SNX8: variants seen among roughly 807,000 people sequenced by gnomAD.
SNX8 encodes the protein sorting nexin 8.
In SNX8, 25 loss-of-function variants were observed where a neutral mutation model predicts 51.6. That is an observed-to-expected ratio of 0.48 (90% CI 0.35 to 0.68). The LOEUF is 0.68. Among genes scored for constraint, SNX8 ranks in the 30% least tolerant of loss-of-function variants. The pLI is 0.00. For synonymous variants in SNX8, 324 were observed against 277.0 expected (o/e 1.17, Z -1.68); for missense variants, 695 against 624.0 (o/e 1.11, Z -1.21).
intron 1 of SNX8, among the ~76,000 whole-genome samples, chr7:2,293,011 C>A (rs192600960): frequency 1.3e-5 from 2 of 151,878 alleles, no homozygotes; most frequent in Admixed American, 6.5e-5. Context: ...TAGAGTAAGA[C>A]CTTATACCTA....
intron 2 of SNX8, among the ~76,000 whole-genome samples, chr7:2,277,638 A>T (rs1248119228): frequency 4.7e-4 from 1 of 2,128 alleles, no homozygotes; most frequent in Non-Finnish European, 7.5e-3. Context: ...GTCTCTACTA[A>T]AAAAAAAAAT....
chr7:2,267,470 G>C (rs1362841908), intron 5 of SNX8, among the ~76,000 whole-genome samples: 4 of 131,236 alleles, frequency 3.0e-5, no homozygotes, highest in Non-Finnish European at 6.9e-5. Context: ...TTGCAGGCAC[G>C]CGCCGCCACG....
At chr7:2,351,747 C>T (rs1779144947) in intron 1 of SNX8, among the ~76,000 whole-genome samples, 1 of 150,760 alleles carries the variant, frequency 6.6e-6, no homozygotes, top group African/African-American at 2.4e-5. Context: ...AGGAGAATTG[C>T]TTGAACCCGG....
chr7:2,334,452 C>T (rs1403834034), intron 1 of SNX8, among the ~76,000 whole-genome samples: 2 of 151,018 alleles, frequency 1.3e-5, no homozygotes, highest in African/African-American at 4.9e-5. Context: ...AATCCCAACA[C>T]TTTGGGAAGC....
At position 2,271,953 on chromosome 7, in the gene SNX8, T is replaced by A; in HGVS notation, c.437A>T (p.Glu146Val). ...GCGCTTCAGGGCTCTCCTCCTGGCC[T>A]CGATGAACTCCCTGTCAGCTGGAGG... ...RMLGADREFIEARRRALKRFV... is the reference protein window; with the variant it reads ...RMLGADREFIVARRRALKRFV... The change falls in exon 4 of 11, where the codon GAG becomes GTG. Residue 146 changes from glutamate to valine, a missense_variant. Physicochemically the swap from Glu to Val is moderately radical, Grantham distance 121. Coordinates refer to ENST00000222990, the MANE Select transcript of SNX8 (RefSeq NM_013321.4). The A allele has an allele frequency of 6.2e-7, 1 of 1,614,036 alleles. No individual in the cohort carries two copies. The highest frequency in any genetic ancestry group is 2.2e-5 in the East Asian group (1 of 44,872).
chr7:2,312,761 C>G lies in SNX8; in HGVS notation c.94+1567G>C, dbSNP rs994609437. ...AGGGGATTCCCCAATCTTGTCCCCC[C>G]CCACCAAGAAGAAACCGTAACTCAC... On this transcript the variant is annotated intron_variant, in intron 1 of 10. Coordinates refer to ENST00000222990, the MANE Select transcript of SNX8 (RefSeq NM_013321.4). 6.6e-5 allele frequency among the ~76,000 whole-genome samples: 10 copies of G among 152,100 alleles called. No homozygotes were observed. In the East Asian group the frequency reaches 1.4e-3, roughly 21 times the overall value.
chr7:2,267,548 G>A lies in SNX8; in HGVS notation c.621+2011C>T, dbSNP rs1414526775. Reference sequence around the variant, plus strand: ...GGGCCGGTCTCCAGCCCCTAACCGCGAGTGATCCGCCAACCTCGGCCTCCC... The same window carrying A: ...GGGCCGGTCTCCAGCCCCTAACCGCAAGTGATCCGCCAACCTCGGCCTCCC... On this transcript the variant is annotated intron_variant, in intron 5 of 10. Coordinates refer to ENST00000222990, the MANE Select transcript of SNX8 (RefSeq NM_013321.4). Among the ~76,000 whole-genome samples, 8 of 134,078 alleles carry A rather than the reference G, an allele frequency of 6.0e-5. 1 individual carries two copies. The highest frequency in any genetic ancestry group is 1.4e-4 in the African/African-American group (5 of 36,394). 88.0% of individuals were successfully genotyped at this position (134,078 alleles called of 152,430 possible). A position where few individuals can be genotyped will look rare whatever the true frequency, so the allele number is the denominator to read the frequency against.
chr7:2,275,925 G>A (rs1795768146), intron 2 of SNX8, among the ~76,000 whole-genome samples: 2 of 151,860 alleles, frequency 1.3e-5, no homozygotes, highest in East Asian at 3.9e-4. Flanking sequence ...GTGAACCCGG[G>A]AGGCAGAGCT....
At chr7:2,290,711 CTCAG>C (rs1248846389) in intron 1 of SNX8, among the ~76,000 whole-genome samples, 1 of 152,174 alleles carries the variant, frequency 6.6e-6, no homozygotes, top group East Asian at 1.9e-4. Flanking sequence ...GGGACCGCGC[CTCAG>C]TCAGCCACAG....
chr7:2,317,403 G>A (rs962198298), upstream of SNX8, among the ~76,000 whole-genome samples: 5 of 150,862 alleles, frequency 3.3e-5, no homozygotes, highest in Admixed American at 2.0e-4. Flanking sequence ...TCAGCCTCCC[G>A]TGTAGCTGGT....
upstream of SNX8, among the ~76,000 whole-genome samples, chr7:2,316,628 CACA>C (rs1796762551): frequency 1.3e-5 from 2 of 148,440 alleles, no homozygotes; most frequent in South Asian, 2.1e-4. Context: ...CATTCATTCA[CACA>C]ACCACTCACT....
intron 1 of SNX8, among the ~76,000 whole-genome samples, chr7:2,297,411 A>AC (rs1796295839): frequency 6.6e-6 from 1 of 151,528 alleles, no homozygotes; most frequent in Non-Finnish European, 1.5e-5. Flanking sequence ...TTAGCCAGGC[A>AC]CGGTGGCACA....
At chr7:2,331,755 C>A (rs1485952692) in intron 1 of SNX8, among the ~76,000 whole-genome samples, 1 of 151,250 alleles carries the variant, frequency 6.6e-6, no homozygotes, top group South Asian at 2.1e-4. Context: ...CATTAAAAAA[C>A]AGGAAATACA....
At chr7:2,314,235 G>A in intron 1 of SNX8, 93 bp downstream of exon 1, 3 of 1,191,846 alleles carry the variant, frequency 2.5e-6, no homozygotes, top group Non-Finnish European at 3.1e-6. Context: ...GAAACGAGTC[G>A]GGGACCAAGC....
intron 1 of SNX8, among the ~76,000 whole-genome samples, chr7:2,339,724 A>T (rs1159128909): frequency 1.3e-5 from 2 of 152,182 alleles, no homozygotes; most frequent in Non-Finnish European, 2.9e-5. Flanking sequence ...AAGAAAGATA[A>T]GGAGAATTTT....
Position 2,337,386 on chromosome 7 carries a change from G to C in SNX8, c.-66+16836C>G, listed in dbSNP as rs370177365. The stretch of plus-strand genomic sequence containing the variant: ...CACTTGAGCTCAGGAGGCAGAGGTA[G>C]CAGTGAGCTGTGTAATTGCACCCCT... On this transcript the variant is annotated intron_variant, in intron 1 of 5. Coordinates refer to the SNX8 transcript ENST00000435336. 6.6e-5 allele frequency: 10 copies of C among 151,442 alleles called. No homozygotes were observed. The East Asian group carries it at 7.9e-4, about 12-fold the overall frequency. 9.4% of individuals were successfully genotyped at this position (151,442 alleles called of 1,614,324 possible).
At position 2,254,859 on chromosome 7, in the gene SNX8, G is replaced by T. The variant is rs370481721; in HGVS notation, c.*197C>A. On this transcript the variant is annotated 3_prime_UTR_variant, in exon 11 of 11. Transcript: ENST00000222990. ...CGACCAGGCTAGCAGGCCACAGGGC[G>T]AAGGACAGTGTGGCCCAGCTGCCCC... 4.9e-6 allele frequency: 3 copies of T among 610,378 alleles called. No individual in the cohort carries two copies. Among genetic ancestry groups the T allele is most frequent in the African/African-American group, 3.7e-5 (2 of 54,484 alleles). 37.8% of individuals were successfully genotyped at this position (610,378 alleles called of 1,614,324 possible).
chr7:2,324,367 T>C (rs1778591137), intron 1 of SNX8, among the ~76,000 whole-genome samples: 2 of 150,740 alleles, frequency 1.3e-5, no homozygotes, highest in South Asian at 2.1e-4. Context: ...CTTGGCTCAC[T>C]ACAACCTCCA....
intron 1 of SNX8, among the ~76,000 whole-genome samples, chr7:2,305,124 G>A (rs1162234208): frequency 6.6e-6 from 1 of 152,178 alleles, no homozygotes; most frequent in Non-Finnish European, 1.5e-5. Context: ...GCACCGGGCT[G>A]AGCCAGCAGC....
Sources: gnomAD v4.1 joint callset for allele counts (sites outside exome capture counted in the v4.1 genomes callset) on GRCh38, gnomAD v4.1.1 for gene constraint, MANE v1.5 for transcripts, NCBI Gene and HGNC (gene_info 2026-07-23, HGNC 2026-07-21) for gene names.